PDE4D: variants seen among roughly 807,000 people sequenced by gnomAD.
PDE4D encodes the protein 3',5'-cyclic-AMP phosphodiesterase 4D.
Under a neutral mutation model 87.4 loss-of-function variants are expected in PDE4D, and 24 were observed. The ratio of observed to expected loss-of-function variants is 0.27; its 90% confidence interval spans 0.20 to 0.39. PDE4D has a LOEUF of 0.39. Ranked by LOEUF, PDE4D falls within the 10% of genes least tolerant of loss-of-function variation. The pLI is 1.00. For missense variants in PDE4D, 714 were observed against 1,041.0 expected, an observed-to-expected ratio of 0.69 and a Z score of 4.32; for synonymous variants, 384 against 383.2, an observed-to-expected ratio of 1.00 and a Z score of -0.02.
intron 1 of PDE4D, among the ~76,000 whole-genome samples, chr5:60,234,266 A>T (rs1746159644): frequency 6.6e-6 from 1 of 151,972 alleles, no homozygotes; most frequent in East Asian, 1.9e-4. Flanking sequence ...GTTGTAGCAT[A>T]TATCAATACT....
intron 1 of PDE4D, among the ~76,000 whole-genome samples, chr5:59,226,046 T>G (rs1753714161): frequency 6.6e-6 from 1 of 151,512 alleles, no homozygotes; most frequent in East Asian, 1.9e-4. Context: ...TATGTACTGA[T>G]GGTGGGACTG....
At chr5:60,197,125 AT>A (rs765300110) in intron 1 of PDE4D, among the ~76,000 whole-genome samples, 1 of 148,770 alleles carries the variant, frequency 6.7e-6, no homozygotes, top group Non-Finnish European at 1.5e-5. Context: ...AGATAGATAG[AT>A]TAGATAGGAA....
chr5:59,935,578 A>G (rs1212154408), intron 3 of PDE4D, among the ~76,000 whole-genome samples: 2 of 152,220 alleles, frequency 1.3e-5, no homozygotes, highest in Admixed American at 1.3e-4. Flanking sequence ...CCTTTGTATT[A>G]AAGAAGTTTG....
chr5:59,207,508 A>T (rs1031397437), intron 2 of PDE4D, among the ~76,000 whole-genome samples: 6 of 152,240 alleles, frequency 3.9e-5, no homozygotes, highest in African/African-American at 1.4e-4. Flanking sequence ...ATGTTCTTCA[A>T]ACTTTCCTTA....
At chr5:60,497,397 TTTTTTG>T (rs544407159) in intron 1 of PDE4D, among the ~76,000 whole-genome samples, 3 of 152,080 alleles carry the variant, frequency 2.0e-5, no homozygotes, top group Admixed American at 6.6e-5. Flanking sequence ...GTCTTTCTTT[TTTTTTG>T]TTTTTGTTTT....
chr5:59,090,796 TTTTTC>T, intron 5 of PDE4D, among the ~76,000 whole-genome samples: 2 of 139,374 alleles, frequency 1.4e-5, no homozygotes, highest in African/African-American at 5.4e-5. Flanking sequence ...CCATGTTTTT[TTTTTC>T]TTTTTCTTTT....
chr5:59,767,718 G>A (rs190421421), intron 1 of PDE4D, among the ~76,000 whole-genome samples: 181 of 152,242 alleles, frequency 1.2e-3, no homozygotes, highest in African/African-American at 4.2e-3. Context: ...GGAAAGGCAT[G>A]TTTAAGATTA....
At chr5:60,384,975 C>T (rs1236624495) in intron 1 of PDE4D, among the ~76,000 whole-genome samples, 4 of 152,132 alleles carry the variant, frequency 2.6e-5, no homozygotes, top group Admixed American at 2.0e-4. Flanking sequence ...TCGAAAAGTC[C>T]TTCCCTGTCT....
At chr5:59,817,859 A>C (rs751344554) in intron 1 of PDE4D, among the ~76,000 whole-genome samples, 3 of 152,068 alleles carry the variant, frequency 2.0e-5, no homozygotes, top group Non-Finnish European at 2.9e-5. Context: ...CACTGATCTC[A>C]AGCTTCCAGC....
At chr5:59,279,303 T>C (rs1016360487) in intron 1 of PDE4D, among the ~76,000 whole-genome samples, 3 of 152,130 alleles carry the variant, frequency 2.0e-5, no homozygotes, top group Admixed American at 2.0e-4. Context: ...TATTGTACTC[T>C]AACGTTAATG....
At chr5:58,984,828 T>C (rs1746038592) in intron 11 of PDE4D, among the ~76,000 whole-genome samples, 1 of 152,238 alleles carries the variant, frequency 6.6e-6, no homozygotes, top group Non-Finnish European at 1.5e-5. Context: ...ATACTTTTTT[T>C]CAGAAAATAA....
intron 1 of PDE4D, among the ~76,000 whole-genome samples, chr5:59,757,848 C>T (rs567781267): frequency 1.2e-4 from 18 of 152,146 alleles, no homozygotes; most frequent in Middle Eastern, 3.4e-3. Context: ...CTCCATTGAC[C>T]CCTTTTCACC....
intron 1 of PDE4D, among the ~76,000 whole-genome samples, chr5:59,877,479 T>TAAAAAAAAAAA: frequency 9.8e-6 from 1 of 102,392 alleles, no homozygotes; most frequent in Middle Eastern, 5.0e-3. Context: ...TGCCAGAACC[T>TAAAAAAAAAAA]AAAAAAAAAA....
chr5:59,530,957 A>T (rs1814107453), intron 1 of PDE4D, among the ~76,000 whole-genome samples: 1 of 152,214 alleles, frequency 6.6e-6, no homozygotes, highest in African/African-American at 2.4e-5. Context: ...CCTTAGACCA[A>T]ATTCTAAGTG....
intron 1 of PDE4D, among the ~76,000 whole-genome samples, chr5:59,454,583 G>A (rs1206251620): frequency 2.6e-5 from 4 of 152,126 alleles, no homozygotes; most frequent in Admixed American, 6.5e-5. Context: ...CATGAAAACA[G>A]ACTAATAGAG....
chr5:60,048,364 C>T (rs1307285601), intron 2 of PDE4D, among the ~76,000 whole-genome samples: 1 of 152,076 alleles, frequency 6.6e-6, no homozygotes, highest in East Asian at 1.9e-4. Context: ...AGTCCATTTA[C>T]ATTTAAAGTT....
At chr5:60,091,660 G>T (rs1775123684) in intron 2 of PDE4D, among the ~76,000 whole-genome samples, 1 of 152,116 alleles carries the variant, frequency 6.6e-6, no homozygotes, top group Admixed American at 6.5e-5. Flanking sequence ...TTAAATCACT[G>T]TATTAAAAAG....
At chr5:59,817,519 G>A (rs1221971683) in intron 1 of PDE4D, among the ~76,000 whole-genome samples, 1 of 152,168 alleles carries the variant, frequency 6.6e-6, no homozygotes, top group Non-Finnish European at 1.5e-5. Context: ...ATATGTTGAA[G>A]TGTTGATATG....
At chr5:59,395,024 G>A (rs565890229) in intron 1 of PDE4D, among the ~76,000 whole-genome samples, 14 of 152,230 alleles carry the variant, frequency 9.2e-5, no homozygotes, top group East Asian at 5.8e-4. Context: ...CTTTTCCGAC[G>A]GGCTTAAAAA....
Sources: gnomAD v4.1 joint callset for allele counts (sites outside exome capture counted in the v4.1 genomes callset) on GRCh38, gnomAD v4.1.1 for gene constraint, MANE v1.5 for transcripts, NCBI Gene and HGNC (gene_info 2026-07-23, HGNC 2026-07-21) for gene names.